Variants in CSMD1 observed in about 807,000 individuals in gnomAD.
CSMD1 encodes CUB and sushi domain-containing protein 1.
CSMD1 carries 213 observed loss-of-function variants against 417.5 expected under a neutral mutation model. That is an observed-to-expected ratio of 0.51 (90% CI 0.46 to 0.57). CSMD1 has a LOEUF of 0.57. Among genes scored for constraint, CSMD1 ranks in the 20% least tolerant of loss-of-function variants. The probability of loss-of-function intolerance (pLI) is 0.00; values close to 1 mark genes in which losing one functional copy is unlikely to be tolerated. For synonymous variants in CSMD1, 2,862 were observed against 1,736.8 expected, an observed-to-expected ratio of 1.65 and a Z score of -16.11; for missense variants, 6,923 against 4,529.7, an observed-to-expected ratio of 1.53 and a Z score of -15.17.
intron 6 of CSMD1, among the ~76,000 whole-genome samples, chr8:3,709,423 G>C (rs190844340): frequency 6.6e-6 from 1 of 152,084 alleles, no homozygotes; most frequent in Admixed American, 6.5e-5. Context: ...ATAGCTGTGA[G>C]GGTTAGTTTT....
chr8:3,147,262 T>C (rs1189207907), intron 40 of CSMD1, among the ~76,000 whole-genome samples: 1 of 152,220 alleles, frequency 6.6e-6, no homozygotes, highest in Non-Finnish European at 1.5e-5. Flanking sequence ...TGTCATGCTG[T>C]TTGTTTCATA....
intron 3 of CSMD1, among the ~76,000 whole-genome samples, chr8:4,088,115 T>C (rs942112763): frequency 1.3e-4 from 20 of 152,338 alleles, no homozygotes; most frequent in African/African-American, 4.3e-4. Context: ...GAAGGATAGC[T>C]GCAGTGGGGC....
intron 1 of CSMD1, among the ~76,000 whole-genome samples, chr8:4,646,123 T>C (rs1803501753): frequency 6.6e-6 from 1 of 152,230 alleles, no homozygotes; most frequent in Non-Finnish European, 1.5e-5. Flanking sequence ...ATTTCAATAA[T>C]GCAAGTTATT....
intron 3 of CSMD1, among the ~76,000 whole-genome samples, chr8:4,354,492 G>A (rs1801283802): frequency 2.0e-5 from 3 of 152,170 alleles, no homozygotes; most frequent in Admixed American, 2.0e-4. Context: ...ATGTCAGAGA[G>A]AAAATCAGAG....
chr8:4,959,757 T>C (rs2117325674), intron 1 of CSMD1, among the ~76,000 whole-genome samples: 1 of 152,356 alleles, frequency 6.6e-6, no homozygotes, highest in Non-Finnish European at 1.5e-5. Flanking sequence ...GAAGTCTTCC[T>C]GTACGTGACC....
At chr8:2,978,852 C>G (rs117949607) in intron 54 of CSMD1, 52 bp from the exon 55 acceptor site, 4 of 1,442,456 alleles carry the variant, frequency 2.8e-6, no homozygotes, top group African/African-American at 2.8e-5. Context: ...GAAATAACAA[C>G]AAAATAGATC....
intron 12 of CSMD1, among the ~76,000 whole-genome samples, chr8:3,412,827 C>T (rs932704801): frequency 6.6e-6 from 1 of 152,272 alleles, no homozygotes; most frequent in South Asian, 2.1e-4. Flanking sequence ...CTTGGGATGC[C>T]TTGAATGAGC....
intron 5 of CSMD1, among the ~76,000 whole-genome samples, chr8:3,946,057 A>G (rs757478422): frequency 1.6e-4 from 24 of 152,162 alleles, no homozygotes; most frequent in Non-Finnish European, 3.1e-4. Context: ...CCTTTCTTTC[A>G]ATACTAACGT....
At chr8:4,639,923 T>C (rs1000404903) in intron 1 of CSMD1, among the ~76,000 whole-genome samples, 1 of 152,158 alleles carries the variant, frequency 6.6e-6, no homozygotes, top group Admixed American at 6.5e-5. Context: ...CAAGTAAATA[T>C]TAAAGCTGTG....
At chr8:4,274,916 T>C (rs1796389850) in intron 3 of CSMD1, among the ~76,000 whole-genome samples, 2 of 152,188 alleles carry the variant, frequency 1.3e-5, no homozygotes, top group Non-Finnish European at 2.9e-5. Flanking sequence ...GGAAATGTTG[T>C]GTCTTGGCCA....
chr8:3,011,695 G>C (rs1270081483), intron 52 of CSMD1, among the ~76,000 whole-genome samples: 1 of 152,166 alleles, frequency 6.6e-6, no homozygotes. Context: ...CTAATATCTT[G>C]AATACTAGAG....
chr8:3,113,918 C>T (rs1036884147), intron 42 of CSMD1, among the ~76,000 whole-genome samples: 1 of 152,090 alleles, frequency 6.6e-6, no homozygotes, highest in Non-Finnish European at 1.5e-5. Context: ...GATATTACAT[C>T]AAATTAAAAT....
At chr8:3,131,158 G>A (rs369132973) in intron 41 of CSMD1, among the ~76,000 whole-genome samples, 2 of 152,044 alleles carry the variant, frequency 1.3e-5, no homozygotes, top group South Asian at 2.1e-4. Context: ...TCCTACAAAA[G>A]TGCGATAAAG....
chr8:3,641,403 A>G (rs910727657), intron 7 of CSMD1, among the ~76,000 whole-genome samples: 2 of 152,166 alleles, frequency 1.3e-5, no homozygotes, highest in Non-Finnish European at 2.9e-5. Context: ...TCTTAGAAGC[A>G]GAAATAAAAA....
At chr8:4,578,712 G>T (rs548976977) in intron 2 of CSMD1, among the ~76,000 whole-genome samples, 1 of 149,906 alleles carries the variant, frequency 6.7e-6, no homozygotes, top group Non-Finnish European at 1.5e-5. Flanking sequence ...TACTCAAGAG[G>T]CTGAGGCAAG....
At chr8:4,664,269 G>C (rs17071000) in intron 1 of CSMD1, among the ~76,000 whole-genome samples, 5,917 of 152,290 alleles carry the variant, frequency 0.039, 122 homozygotes, top group East Asian at 0.098. Context: ...AGTAAGAAGA[G>C]ATTTTCAATG....
intron 3 of CSMD1, among the ~76,000 whole-genome samples, chr8:4,389,324 C>A (rs761977423): frequency 2.6e-5 from 4 of 152,066 alleles, no homozygotes; most frequent in African/African-American, 7.2e-5. Context: ...TCCTTGTCAT[C>A]CTTCTCTTGG....
intron 48 of CSMD1, among the ~76,000 whole-genome samples, chr8:3,087,914 T>C (rs961033548): frequency 6.6e-6 from 1 of 152,228 alleles, no homozygotes; most frequent in African/African-American, 2.4e-5. Flanking sequence ...TTAAGTGTTG[T>C]TAAAACAGAG....
chr8:4,734,943 G>T (rs933668267), intron 1 of CSMD1, among the ~76,000 whole-genome samples: 3 of 152,122 alleles, frequency 2.0e-5, no homozygotes, highest in South Asian at 2.1e-4. Flanking sequence ...CAAACTACTC[G>T]TTATGGCCTG....
Sources: allele counts gnomAD v4.1 joint callset (sites outside exome capture counted in the v4.1 genomes callset), GRCh38; gene constraint gnomAD v4.1.1; transcripts MANE v1.5; gene names NCBI Gene and HGNC (gene_info 2026-07-23, HGNC 2026-07-21).